The following AKT3 variants were observed in gnomAD, a reference collection of about 807,000 sequenced individuals.
The protein encoded by AKT3 is RAC-gamma serine/threonine-protein kinase.
In AKT3, 15 loss-of-function variants were observed where a neutral mutation model predicts 65.3. The ratio of observed to expected loss-of-function variants is 0.23; its 90% CI spans 0.15 to 0.35. The LOEUF is 0.35. Ranked by LOEUF, AKT3 falls within the 10% of genes least tolerant of loss-of-function variation. The pLI, the probability that AKT3 is intolerant of heterozygous loss-of-function variation, is 1.00. For synonymous variants in AKT3, 206 were observed against 183.8 expected (o/e 1.12, Z -0.98); for missense variants, 243 against 576.5 (o/e 0.42, Z 5.92).
At chr1:243,528,828 T>A (rs1174494997) in intron 12 of AKT3, among the ~76,000 whole-genome samples, 1 of 152,206 alleles carries the variant, frequency 6.6e-6, no homozygotes, top group African/African-American at 2.4e-5. Context: ...ATTCCAATAA[T>A]GGGACTGCTG....
At chr1:243,689,222 A>C (rs1029367883) in intron 3 of AKT3, among the ~76,000 whole-genome samples, 1 of 152,154 alleles carries the variant, frequency 6.6e-6, no homozygotes, top group Admixed American at 6.5e-5. Context: ...GTATGGGTAT[A>C]ATGATCAATC....
intron 8 of AKT3, among the ~76,000 whole-genome samples, chr1:243,605,304 A>C (rs1677316867): frequency 6.6e-6 from 1 of 152,076 alleles, no homozygotes; most frequent in Admixed American, 6.6e-5. Flanking sequence ...CCAGAATTAC[A>C]GGCATGAGCC....
chr1:243,641,409 C>G (rs902463266), intron 5 of AKT3, among the ~76,000 whole-genome samples: 1 of 150,056 alleles, frequency 6.7e-6, no homozygotes, highest in Non-Finnish European at 1.5e-5. Flanking sequence ...CATAACCAGG[C>G]CAGAGTGTCA....
chr1:243,497,230 A>C (rs1357239869), downstream of AKT3, among the ~76,000 whole-genome samples: 1 of 151,576 alleles, frequency 6.6e-6, no homozygotes, highest in African/African-American at 2.4e-5. Flanking sequence ...GTTACCAAAG[A>C]GTCAGCAAAT....
rs75474967 is a variant in AKT3 at position 243,720,844 on chromosome 1, A to T, written c.47-25128T>A. On this transcript the variant is annotated intron_variant, in intron 2 of 13. Transcript: ENST00000673466. ...AGCTCACGGTATATACTCTTGAGAA[A>T]ATAAGCATGTAAAGCATTCTTTTAA... Among the ~76,000 whole-genome samples, 192 of 152,318 alleles carry T rather than the reference A, an allele frequency of 1.3e-3. 6 individuals carry two copies. The East Asian group carries it at 0.036, about 29-fold the overall frequency.
At chr1:243,680,582 T>C (rs1421621888) in intron 3 of AKT3, among the ~76,000 whole-genome samples, 1 of 152,110 alleles carries the variant, frequency 6.6e-6, no homozygotes. Context: ...CAAAGTATAA[T>C]AAACGCTTTT....
chr1:243,598,394 G>GT (rs1009811123), intron 8 of AKT3, among the ~76,000 whole-genome samples: 20 of 151,448 alleles, frequency 1.3e-4, no homozygotes, highest in Admixed American at 5.9e-4. Context: ...AGACTACATA[G>GT]TTTTTTTTTA....
chr1:243,812,247 G>A (rs1693209557), intron 2 of AKT3, among the ~76,000 whole-genome samples: 1 of 152,082 alleles, frequency 6.6e-6, no homozygotes, highest in South Asian at 2.1e-4. Context: ...CCTACAGAAT[G>A]GCAGAAAATT....
chr1:243,630,974 CT>C (rs34788254), intron 6 of AKT3, among the ~76,000 whole-genome samples: 24 of 147,682 alleles, frequency 1.6e-4, no homozygotes, highest in African/African-American at 3.5e-4. Flanking sequence ...CAAATAGCCT[CT>C]TTTTTTTTTT....
chr1:243,553,022 C>T (rs1673177497), intron 10 of AKT3, 79 bp from the exon 11 acceptor site: 1 of 1,157,522 alleles, frequency 8.6e-7, no homozygotes, highest in Non-Finnish European at 1.2e-6. Flanking sequence ...AAGATTTTTA[C>T]ATAAAAATGA....
At chr1:243,758,480 A>C (rs1689281994) in intron 2 of AKT3, among the ~76,000 whole-genome samples, 1 of 152,202 alleles carries the variant, frequency 6.6e-6, no homozygotes, top group African/African-American at 2.4e-5. Context: ...TAAGAGCATG[A>C]AGCAGGAAGT....
chr1:243,811,137 C>T (rs2148397479), intron 2 of AKT3, among the ~76,000 whole-genome samples: 1 of 152,282 alleles, frequency 6.6e-6, no homozygotes, highest in African/African-American at 2.4e-5. Flanking sequence ...CCTCTCTCAC[C>T]ACTCCTATTC....
intron 8 of AKT3, among the ~76,000 whole-genome samples, chr1:243,580,111 T>C (rs1311314975): frequency 6.6e-6 from 1 of 152,096 alleles, no homozygotes; most frequent in East Asian, 1.9e-4. Flanking sequence ...AGATAGCAGA[T>C]AAAGATAAAC....
chr1:243,836,122 G>A (rs569994058), intron 2 of AKT3, among the ~76,000 whole-genome samples: 5 of 151,738 alleles, frequency 3.3e-5, no homozygotes, highest in Admixed American at 1.3e-4. Flanking sequence ...AAAAAGACAC[G>A]ACCCAAACAT....
Position 243,613,689 on chromosome 1 carries a change from T to C in AKT3, c.678A>G (p.Glu226=). Residue 226 remains glutamate, a synonymous_variant, in exon 8 of 14, where the codon GAA becomes GAG. Transcript: ENST00000673466. ...QTKDRLCFVM[E]YVNGGELFFH... ...GACTCACCTCGCCCCCATTAACATATTCCATCACAAAACACAAACGGTCTT... is the reference window on the plus strand; with the variant it reads ...GACTCACCTCGCCCCCATTAACATACTCCATCACAAAACACAAACGGTCTT... The C allele has an allele frequency of 6.3e-7, 1 of 1,595,510 alleles. No individual in the cohort carries two copies. Among genetic ancestry groups the C allele is most frequent in the Non-Finnish European group, 8.5e-7 (1 of 1,170,026 alleles).
intron 2 of AKT3, among the ~76,000 whole-genome samples, chr1:243,711,786 T>G (rs1198844175): frequency 6.6e-6 from 1 of 152,238 alleles, no homozygotes; most frequent in Non-Finnish European, 1.5e-5. Flanking sequence ...TAAGTGACTA[T>G]GAGTAAATTC....
intron 12 of AKT3, among the ~76,000 whole-genome samples, chr1:243,524,376 G>A (rs1182953286): frequency 6.6e-6 from 1 of 152,298 alleles, no homozygotes; most frequent in East Asian, 1.9e-4. Flanking sequence ...AGCCTCTGCT[G>A]ACTCCTGAAC....
chr1:243,779,861 G>A (rs1239393163), intron 2 of AKT3, among the ~76,000 whole-genome samples: 1 of 152,058 alleles, frequency 6.6e-6, no homozygotes, highest in Non-Finnish European at 1.5e-5. Flanking sequence ...AAGCCGGCCT[G>A]AAAGTGCTTT....
intron 1 of AKT3, among the ~76,000 whole-genome samples, chr1:243,849,242 C>T (rs1695646151): frequency 6.6e-6 from 1 of 152,214 alleles, no homozygotes; most frequent in African/African-American, 2.4e-5. Context: ...GCTGCCGCCG[C>T]CGCCAGCAGC....
Sources: allele counts gnomAD v4.1 joint callset (sites outside exome capture counted in the v4.1 genomes callset), GRCh38; gene constraint gnomAD v4.1.1; transcripts MANE v1.5; gene names NCBI Gene and HGNC (gene_info 2026-07-23, HGNC 2026-07-21).